The following GPR155 variants were observed in gnomAD, a reference collection of about 807,000 sequenced individuals.
The protein encoded by GPR155 is G protein-coupled receptor 155, also known as lysosomal cholesterol signaling protein.
GPR155 carries 65 observed loss-of-function variants against 93.1 expected under a neutral mutation model. The observed-to-expected ratio is 0.70, with a 90% CI of 0.57 to 0.86. The LOEUF (loss-of-function observed/expected upper bound fraction) is 0.86, where lower values mean the gene tolerates loss of function less well. Ranked by LOEUF, GPR155 falls within the 40% of genes least tolerant of loss-of-function variation. GPR155 has a pLI of 0.00. For synonymous variants in GPR155, 319 were observed against 360.1 expected, an observed-to-expected ratio of 0.89 and a Z score of 1.29; for missense variants, 838 against 1,034.8, an observed-to-expected ratio of 0.81 and a Z score of 2.61.
intron 1 of GPR155, among the ~76,000 whole-genome samples, chr2:174,486,327 C>T (rs951488383): frequency 6.6e-6 from 1 of 152,114 alleles, no homozygotes. Context: ...GCTCGGAGAG[C>T]AGCTGCCAGC....
At chr2:174,440,387 T>C (rs1686920975) in intron 14 of GPR155, among the ~76,000 whole-genome samples, 1 of 152,156 alleles carries the variant, frequency 6.6e-6, no homozygotes, top group Non-Finnish European at 1.5e-5. Flanking sequence ...AAATTAGAGA[T>C]CAAATATTTT....
intron 2 of GPR155, among the ~76,000 whole-genome samples, chr2:174,475,473 C>T (rs1011134849): frequency 2.7e-5 from 4 of 150,902 alleles, no homozygotes; most frequent in African/African-American, 9.7e-5. Flanking sequence ...TAGAAGGTCA[C>T]CTTTTTCATA....
At chr2:174,476,655 C>T (rs1285449095) in intron 2 of GPR155, among the ~76,000 whole-genome samples, 1 of 152,002 alleles carries the variant, frequency 6.6e-6, no homozygotes, top group Non-Finnish European at 1.5e-5. Flanking sequence ...ATCCACAGTC[C>T]AGTCTCCACA....
Position 174,470,396 on chromosome 2 carries a change from T to C in GPR155, c.1020A>G (p.Val340=). 6 of 1,612,166 alleles carry C rather than the reference T, an allele frequency of 3.7e-6. No homozygotes were observed. Among genetic ancestry groups the C allele is most frequent in the Non-Finnish European group, 5.1e-6 (6 of 1,178,522 alleles). ...AIFATQFNME[V]EIITSGMVIS... ...GAAAGTACTATATACATACAATTTC[T>C]ACTTCCATGTTGAATTGTGTTGCAA... The change falls in exon 4 of 16, where the codon GTA becomes GTG. Residue 340 remains valine, a synonymous_variant. Coordinates refer to ENST00000392552, the MANE Select transcript of GPR155 (RefSeq NM_152529.7).
rs536110216 is a variant in GPR155 at position 174,468,879 on chromosome 2, G to A, written c.1182+33C>T. ...GTCTATTCTCAAAACTCATTCTGTG[G>A]TTTCCATTCATTTTGGGATGCAACG... is the stretch of plus-strand genomic sequence containing the variant. On this transcript the variant is annotated intron_variant, in intron 5 of 15. Coordinates refer to ENST00000392552, the MANE Select transcript of GPR155 (RefSeq NM_152529.7). 143 of 1,566,840 alleles carry A rather than the reference G, an allele frequency of 9.1e-5. 1 individual carries two copies. In the South Asian group the frequency reaches 1.5e-3, roughly 17 times the overall value.
chr2:174,485,656 T>C (rs2105747288), intron 1 of GPR155, among the ~76,000 whole-genome samples: 1 of 151,674 alleles, frequency 6.6e-6, no homozygotes, highest in Non-Finnish European at 1.5e-5. Flanking sequence ...TTAACGTTTC[T>C]CAGTATTATA....
chr2:174,466,708 T>C lies in GPR155; in HGVS notation c.1183-81A>G, dbSNP rs1198543464. 1.4e-5 allele frequency: 10 copies of C among 729,268 alleles called. No homozygotes were observed. The Admixed American group carries it at 2.2e-4, about 16-fold the overall frequency. 45.2% of individuals were successfully genotyped at this position (729,268 alleles called of 1,614,324 possible). On this transcript the variant is annotated intron_variant, in intron 5 of 15. Transcript: ENST00000392552. ...ATTAAATAACACAATGATTAGCCTCTTTAAATAACCCTCTTTGTCCTGGTT... is the reference window on the plus strand; with the variant it reads ...ATTAAATAACACAATGATTAGCCTCCTTAAATAACCCTCTTTGTCCTGGTT...
At position 174,469,011 on chromosome 2, in the gene GPR155, A is replaced by C; in HGVS notation, c.1083T>G (p.Ser361=). The C allele has an allele frequency of 1.2e-6, 2 of 1,614,100 alleles. No individual in the cohort carries two copies. The highest frequency in any genetic ancestry group is 1.7e-6 in the Non-Finnish European group (2 of 1,179,922). Residue 361 remains serine, a synonymous_variant, in exon 5 of 16, where the codon TCT becomes TCG. Transcript: ENST00000392552. ...TFVSAPIMYV[S]AWLLTFPTMD... Reference sequence around the variant, plus strand: ...TAGTGGGAAAGGTCAGTAACCAGGCAGAAACGTACATGATGGGAGCAGACA... The same window carrying C: ...TAGTGGGAAAGGTCAGTAACCAGGCCGAAACGTACATGATGGGAGCAGACA...
At chr2:174,472,361 G>T (rs951653327) in intron 3 of GPR155, among the ~76,000 whole-genome samples, 2 of 152,150 alleles carry the variant, frequency 1.3e-5, no homozygotes, top group Non-Finnish European at 2.9e-5. Flanking sequence ...AGCCAAGATC[G>T]CATGACTGCA....
intron 7 of GPR155, among the ~76,000 whole-genome samples, chr2:174,465,101 GTGCTACAACATTTTGAATA>G (rs1687801752): frequency 6.6e-6 from 1 of 152,178 alleles, no homozygotes; most frequent in South Asian, 2.1e-4. Context: ...AAATAGCAAT[GTGCTACAACATTTTGAATA>G]TCCTTTTTGG....
intron 9 of GPR155, among the ~76,000 whole-genome samples, chr2:174,460,532 A>G (rs1240799260): frequency 6.6e-6 from 1 of 152,118 alleles, no homozygotes; most frequent in Non-Finnish European, 1.5e-5. Flanking sequence ...TAGCTCTTTT[A>G]AAAAGGTAAG....
chr2:174,454,682 G>GAAGA, intron 10 of GPR155, among the ~76,000 whole-genome samples: 1 of 137,600 alleles, frequency 7.3e-6, no homozygotes, highest in Admixed American at 7.2e-5. Context: ...AGGAGGGAGG[G>GAAGA]AGGGAAGGAA....
intron 14 of GPR155, among the ~76,000 whole-genome samples, chr2:174,441,911 T>C (rs1267560465): frequency 2.2e-5 from 3 of 139,034 alleles, no homozygotes; most frequent in Non-Finnish European, 5.0e-5. Context: ...CCTGGCTAAT[T>C]TTTGTATTTT....
At chr2:174,453,561 G>A (rs1687390136) in intron 11 of GPR155, among the ~76,000 whole-genome samples, 176 bp downstream of exon 11, 1 of 151,310 alleles carries the variant, frequency 6.6e-6, no homozygotes, top group African/African-American at 2.4e-5. Context: ...TCAGGAGGCT[G>A]AGGCAGGAGA....
rs1284546648 is a variant in GPR155, at chr2:174,461,616, C to G, written c.1441G>C (p.Val481Leu). The change falls in exon 8 of 16, where the codon GTT becomes CTT. Residue 481 changes from valine to leucine, a missense_variant. By Grantham distance (32) the Val-to-Leu change is conservative. Around this residue, in one of 3 missense-constraint regions of GPR155, gnomAD observed 663 missense variants for 790.1 expected, o/e 0.84. Transcript: ENST00000392552. ...LKKRERVQIP[V>L]GIIIISGWGI... Reference sequence around the variant, plus strand: ...CAGCCAGATATTATGATTATTCCAACAGGAATTTGTACCCTCTCTCGCTTT... The same window carrying G: ...CAGCCAGATATTATGATTATTCCAAGAGGAATTTGTACCCTCTCTCGCTTT... 1.2e-6 allele frequency: 2 copies of G among 1,611,194 alleles called. No homozygotes were observed. Among genetic ancestry groups the G allele is most frequent in the East Asian group, 4.5e-5 (2 of 44,826 alleles).
intron 15 of GPR155, among the ~76,000 whole-genome samples, chr2:174,438,757 T>C (rs1686866885): frequency 6.6e-6 from 1 of 152,202 alleles, no homozygotes; most frequent in South Asian, 2.1e-4. Flanking sequence ...CCCTCCCACC[T>C]TGGCCTCCTA....
At position 174,439,921 on chromosome 2, in the gene GPR155, G is replaced by A; in HGVS notation, c.2289C>T (p.Ile763=). The change falls in exon 15 of 16, where the codon ATC becomes ATT. Residue 763 remains isoleucine (I), a synonymous_variant. Coordinates refer to ENST00000392552, the MANE Select transcript of GPR155 (RefSeq NM_152529.7). The part of the protein sequence containing the change: ...QFIHYHRDLC[I]RNIVKERRCG... ...ACCTTCTTTCTTTGACAATGTTTCG[G>A]ATACAGAGGTCACGGTGATAATGGA... is the stretch of plus-strand genomic sequence containing the variant. 1 of 1,612,730 alleles carries A rather than the reference G, an allele frequency of 6.2e-7. No individual in the cohort carries two copies.
intron 1 of GPR155, among the ~76,000 whole-genome samples, chr2:174,484,831 G>A (rs1688428985): frequency 6.6e-6 from 1 of 152,150 alleles, no homozygotes; most frequent in East Asian, 1.9e-4. Flanking sequence ...GGCTGAGGTG[G>A]GAGGATCACC....
rs1246177022 is a variant in GPR155 at position 174,439,969 on chromosome 2, T to C, written c.2241A>G (p.Ile747Met). The C allele has an allele frequency of 2.0e-5, 32 of 1,611,716 alleles. No homozygotes were observed. Among genetic ancestry groups the C allele is most frequent in the Non-Finnish European group, 2.7e-5 (32 of 1,178,056 alleles). The change falls in exon 15 of 16, where the codon ATA becomes ATG. Residue 747 changes from isoleucine (I) to methionine (M), a missense_variant. By Grantham distance (10) the Ile-to-Met change is conservative. This residue lies in a region of GPR155 where 146 missense variants were observed against 177.5 expected (regional missense o/e 0.82). Coordinates refer to ENST00000392552, the MANE Select transcript of GPR155 (RefSeq NM_152529.7). ...ENRDSPVSEE[I>M]KMTCQQFIHY... ...GGATAAATTGTTGACAGGTCATTTT[T>C]ATTTCCTCTGAAACAGGAGAATCCC...
Sources: gnomAD v4.1 joint callset for allele counts (sites outside exome capture counted in the v4.1 genomes callset) on GRCh38, gnomAD v4.1.1 for gene constraint, gnomAD v4.1.1 regional missense constraint, MANE v1.5 for transcripts, NCBI Gene and HGNC (gene_info 2026-07-23, HGNC 2026-07-21) for gene names.